Variants in FIG4 observed in about 807,000 individuals in gnomAD.
FIG4 encodes polyphosphoinositide phosphatase.
FIG4 carries 112 observed loss-of-function variants against 118.6 expected under a neutral mutation model. The observed-to-expected ratio is 0.94, with a 90% CI of 0.81 to 1.11. FIG4 has a LOEUF of 1.11. Ranked by LOEUF, FIG4 falls within the 50% of genes least tolerant of loss-of-function variation. The probability of loss-of-function intolerance (pLI) is 0.00; values close to 1 mark genes in which losing one functional copy is unlikely to be tolerated. For synonymous variants in FIG4, 369 were observed against 381.2 expected (o/e 0.97, Z 0.37); for missense variants, 969 against 1,111.7 (o/e 0.87, Z 1.83).
rs185336343 is a variant in FIG4, at chr6:109,789,398, A to G, written c.2097-196A>G. Among the ~76,000 whole-genome samples the G allele has an allele frequency of 3.3e-5, 5 of 152,174 alleles. No homozygotes were observed. In the East Asian group the frequency reaches 7.7e-4, roughly 23 times the overall value. ...GCCTCGTGATCATAGAGAATTCACA[A>G]TTAAGACTGATAACATTGAAATTAT... On this transcript the variant is annotated intron_variant, in intron 18 of 22. Transcript: ENST00000230124.
At chr6:109,786,205 C>A in intron 17 of FIG4, 97 bp from the exon 18 acceptor site, 1 of 1,076,220 alleles carries the variant, frequency 9.3e-7, no homozygotes, top group Non-Finnish European at 1.4e-6. Context: ...CCCCACAGAG[C>A]TTATCACAGT....
At position 109,819,634 on chromosome 6, in the gene FIG4, A is replaced by G. The variant is rs552809122; in HGVS notation, c.2547-5454A>G. Among the ~76,000 whole-genome samples the G allele has an allele frequency of 2.1e-4, 32 of 152,042 alleles. 1 individual carries two copies. The South Asian group carries it at 4.1e-3, about 20-fold the overall frequency. ...CAGGTGCCCGCCACCACGAGCTGCTATTTTGTGTATTTTTAGTAGAAACGG... is the reference window on the plus strand; with the variant it reads ...CAGGTGCCCGCCACCACGAGCTGCTGTTTTGTGTATTTTTAGTAGAAACGG... On this transcript the variant is annotated intron_variant, in intron 22 of 22. Coordinates refer to ENST00000230124, the MANE Select transcript of FIG4 (RefSeq NM_014845.6).
chr6:109,811,379 G>T (rs1476139889), intron 22 of FIG4, among the ~76,000 whole-genome samples: 2 of 152,166 alleles, frequency 1.3e-5, no homozygotes, highest in African/African-American at 2.4e-5. Context: ...CCTTCTATCA[G>T]CAATGTGATG....
rs780091224 is a variant in FIG4 at position 109,743,199 on chromosome 6, A to C, written c.966A>C (p.Val322=). ...CTGCAGGAAGTTATTCTTCATATGT[A>C]CAAGTTAGAGGATCTGTGCCCTTAT... The part of the protein sequence containing the change: ...SFTAGSYSSY[V]QVRGSVPLYW... The change falls in exon 9 of 23, where the codon GTA becomes GTC. Residue 322 remains valine (V), a synonymous_variant. Transcript: ENST00000230124. The C allele has an allele frequency of 1.9e-6, 3 of 1,613,054 alleles. No individual in the cohort carries two copies. The South Asian group carries it at 3.3e-5, about 18-fold the overall frequency.
chr6:109,751,545 G>A (rs960227989), intron 10 of FIG4, among the ~76,000 whole-genome samples: 1 of 152,062 alleles, frequency 6.6e-6, no homozygotes, highest in Non-Finnish European at 1.5e-5. Context: ...ATCTGGTACT[G>A]GGCTTTTTTT....
chr6:109,716,440 C>T lies in FIG4; in HGVS notation c.166-5C>T. On this transcript the variant is annotated splice_region_variant and splice_polypyrimidine_tract_variant and intron_variant, in intron 2 of 22. Transcript: ENST00000230124. ...ACCTTACAGAGTAAATGTGCTTATTCTTAGCATGTCTATACTCAACAAGAA... is the reference window on the plus strand; with the variant it reads ...ACCTTACAGAGTAAATGTGCTTATTTTTAGCATGTCTATACTCAACAAGAA... 2 of 1,613,286 alleles carry T rather than the reference C, an allele frequency of 1.2e-6. No individual in the cohort carries two copies.
intron 4 of FIG4, among the ~76,000 whole-genome samples, chr6:109,728,924 T>A (rs1296471357): frequency 1.3e-5 from 2 of 152,106 alleles, no homozygotes; most frequent in East Asian, 3.9e-4. Flanking sequence ...TTGGATATCT[T>A]TAAAGAATAA....
intron 22 of FIG4, among the ~76,000 whole-genome samples, chr6:109,800,481 T>A (rs1388567007): frequency 2.6e-5 from 4 of 152,220 alleles, no homozygotes; most frequent in Admixed American, 2.6e-4. Flanking sequence ...ACTGATTTGG[T>A]AACATGGCAT....
rs1775437078 is a variant in FIG4 at position 109,716,560 on chromosome 6, G to A, written c.281G>A (p.Gly94Asp). The stretch of plus-strand genomic sequence containing the variant: ...TTATTTCGAGCGGTTTCAGCTTTTG[G>A]TGTTGTGGGTAAGAAATCTGCCCCC... ...SGLFRAVSAF[G>D]VVGFVRFLEG... The change falls in exon 3 of 23, where the codon GGT (glycine) becomes GAT (aspartate). Residue 94 changes from glycine to aspartate, a missense_variant. Transcript: ENST00000230124. The A allele has an allele frequency of 1.1e-5, 18 of 1,613,818 alleles. No homozygotes were observed. Among genetic ancestry groups the A allele is most frequent in the Non-Finnish European group, 1.5e-5 (18 of 1,179,788 alleles).
At chr6:109,780,265 G>A (rs888185312) in intron 16 of FIG4, among the ~76,000 whole-genome samples, 1 of 152,238 alleles carries the variant, frequency 6.6e-6, no homozygotes, top group African/African-American at 2.4e-5. Flanking sequence ...AGGCTGGAGT[G>A]CAGTGGCGTG....
intron 3 of FIG4, among the ~76,000 whole-genome samples, chr6:109,720,829 C>G (rs1275147093): frequency 1.3e-5 from 2 of 152,172 alleles, no homozygotes; most frequent in Non-Finnish European, 2.9e-5. Context: ...CGGATTGATC[C>G]AGTCCTGTAG....
chr6:109,719,364 G>A lies in FIG4; in HGVS notation c.289+2796G>A, dbSNP rs557239677. 4.0e-5 allele frequency among the ~76,000 whole-genome samples: 6 copies of A among 151,690 alleles called. No homozygotes were observed. In the South Asian group the frequency reaches 1.2e-3, roughly 32 times the overall value. On this transcript the variant is annotated intron_variant, in intron 3 of 22. Coordinates refer to ENST00000230124, the MANE Select transcript of FIG4 (RefSeq NM_014845.6). ...TATTGAACTGTGTGGGTTTTGTTTTGTGTGTTTGTGTCTGTGTGTGTGTGT... is the reference window on the plus strand; with the variant it reads ...TATTGAACTGTGTGGGTTTTGTTTTATGTGTTTGTGTCTGTGTGTGTGTGT...
chr6:109,733,827 GC>G (rs1776080288), intron 5 of FIG4, among the ~76,000 whole-genome samples: 2 of 151,408 alleles, frequency 1.3e-5, no homozygotes, highest in Non-Finnish European at 2.9e-5. Context: ...GTTAGAAATG[GC>G]CTTCTTCTTC....
At chr6:109,747,182 G>C (rs1776527452) in intron 10 of FIG4, among the ~76,000 whole-genome samples, 1 of 152,130 alleles carries the variant, frequency 6.6e-6, no homozygotes, top group African/African-American at 2.4e-5. Flanking sequence ...CTGGAGCTCA[G>C]AGGAGAGGTC....
chr6:109,758,847 A>G (rs889554553), intron 10 of FIG4, among the ~76,000 whole-genome samples: 13 of 152,246 alleles, frequency 8.5e-5, no homozygotes, highest in Admixed American at 2.0e-4. Context: ...CAAACATATG[A>G]AAAAAGGCTC....
intron 2 of FIG4, among the ~76,000 whole-genome samples, chr6:109,715,836 A>G (rs1161686680): frequency 6.6e-6 from 1 of 152,208 alleles, no homozygotes; most frequent in Non-Finnish European, 1.5e-5. Context: ...CGGAATCCAT[A>G]AAGATTCCTG....
At chr6:109,795,117 TTTTTTTTTTTTTTTTTTTG>T (rs1430844919) in intron 21 of FIG4, among the ~76,000 whole-genome samples, 18 of 117,738 alleles carry the variant, frequency 1.5e-4, no homozygotes, top group Non-Finnish European at 2.8e-4. Flanking sequence ...TTTTTTTTTT[TTTTTTTTTTTTTTTTTTTG>T]AGACGGAGTC....
chr6:109,787,988 G>A (rs118120082), intron 18 of FIG4, among the ~76,000 whole-genome samples: 1 of 152,112 alleles, frequency 6.6e-6, no homozygotes, highest in Non-Finnish European at 1.5e-5. Context: ...GCTAGAAACT[G>A]TTCTTCGAAT....
At chr6:109,788,523 G>A (rs529877511) in intron 18 of FIG4, among the ~76,000 whole-genome samples, 2 of 152,168 alleles carry the variant, frequency 1.3e-5, no homozygotes, top group Non-Finnish European at 2.9e-5. Context: ...GAGAACATAA[G>A]CAAGGGATTC....
Sources: allele counts gnomAD v4.1 joint callset (sites outside exome capture counted in the v4.1 genomes callset), GRCh38; gene constraint gnomAD v4.1.1; transcripts MANE v1.5; gene names NCBI Gene and HGNC (gene_info 2026-07-23, HGNC 2026-07-21).